The following SLCO1A2 variants were observed in gnomAD, a reference collection of about 807,000 sequenced individuals.
SLCO1A2 encodes the protein OATP-1.
Under a neutral mutation model 69.0 loss-of-function variants are expected in SLCO1A2, and 67 were observed. That is an observed-to-expected ratio of 0.97 (90% CI 0.80 to 1.19). SLCO1A2 has a LOEUF of 1.19. Ranked by LOEUF, SLCO1A2 falls within the 50% of genes most tolerant of loss-of-function variation. The pLI, the probability that SLCO1A2 is intolerant of heterozygous loss-of-function variation, is 0.00. For synonymous variants in SLCO1A2, 260 were observed against 265.9 expected (o/e 0.98, Z 0.22); for missense variants, 787 against 793.7 (o/e 0.99, Z 0.10).
chr12:21,315,465 A>G (rs1167365397), intron 3 of SLCO1A2, among the ~76,000 whole-genome samples: 5 of 152,214 alleles, frequency 3.3e-5, no homozygotes, highest in African/African-American at 1.2e-4. Context: ...CAAACCATAC[A>G]TTTTTAATTC....
chr12:21,395,016 G>C (rs529519864), exon 1 of SLCO1A2: 3 of 153,862 alleles, frequency 1.9e-5, no homozygotes, highest in East Asian at 3.8e-4. Context: ...CAAGGGGAGA[G>C]GAGCCAAGAT....
At chr12:21,374,865 G>C (rs1940079336) in intron 1 of SLCO1A2, among the ~76,000 whole-genome samples, 1 of 151,824 alleles carries the variant, frequency 6.6e-6, no homozygotes, top group Non-Finnish European at 1.5e-5. Context: ...GGCTGCTGGA[G>C]CACAGTGGTA....
intron 2 of SLCO1A2, chr12:21,319,525 C>T (rs1292357111): frequency 3.1e-6 from 4 of 1,273,510 alleles, no homozygotes; most frequent in South Asian, 1.2e-5. Context: ...CTCAGCAATC[C>T]CAGTTGTGTC....
chr12:21,412,892 A>G (rs953764815), intron 1 of SLCO1A2, among the ~76,000 whole-genome samples: 5 of 152,152 alleles, frequency 3.3e-5, no homozygotes, highest in Non-Finnish European at 5.9e-5. Flanking sequence ...TCACTTCAAT[A>G]AATCAGGAAA....
At chr12:21,288,414 C>G (rs747474675) in intron 12 of SLCO1A2, among the ~76,000 whole-genome samples, 3 of 151,748 alleles carry the variant, frequency 2.0e-5, no homozygotes, top group Non-Finnish European at 2.9e-5. Flanking sequence ...GCACTCCAGC[C>G]TGGACAACAG....
intron 12 of SLCO1A2, among the ~76,000 whole-genome samples, chr12:21,279,494 ACAACTGG>A (rs770979900): frequency 5.8e-4 from 88 of 152,356 alleles, no homozygotes; most frequent in Non-Finnish European, 1.2e-3. Flanking sequence ...GAGCGCCAAT[ACAACTGG>A]CAGCAGACTT....
intron 1 of SLCO1A2, among the ~76,000 whole-genome samples, chr12:21,405,248 T>G (rs74626705): frequency 1.3e-5 from 2 of 152,152 alleles, no homozygotes; most frequent in Non-Finnish European, 2.9e-5. Context: ...CATTTGTCAA[T>G]TTTTGCTTTT....
chr12:21,283,891 T>A (rs1945249838), intron 12 of SLCO1A2, among the ~76,000 whole-genome samples: 1 of 152,144 alleles, frequency 6.6e-6, no homozygotes, highest in South Asian at 2.1e-4. Context: ...AAATGACTTT[T>A]ATACAAAAAC....
chr12:21,338,769 A>C (rs1952972443), upstream of SLCO1A2, among the ~76,000 whole-genome samples: 1 of 151,992 alleles, frequency 6.6e-6, no homozygotes, highest in African/African-American at 2.4e-5. Flanking sequence ...ATGGCATGTA[A>C]ACACTGAGCT....
chr12:21,338,651 A>T (rs74715680), upstream of SLCO1A2, among the ~76,000 whole-genome samples: 762 of 152,074 alleles, frequency 5.0e-3, 3 homozygotes, highest in African/African-American at 0.017. Context: ...GTTTGGCAGC[A>T]ATATCAACTA....
intron 12 of SLCO1A2, among the ~76,000 whole-genome samples, chr12:21,285,818 C>A (rs1945671008): frequency 6.6e-6 from 1 of 152,070 alleles, no homozygotes; most frequent in Non-Finnish European, 1.5e-5. Context: ...ATCCTTCATG[C>A]TAAAAACTCT....
At chr12:21,361,941 G>A (rs1938931170) in intron 2 of SLCO1A2, among the ~76,000 whole-genome samples, 2 of 152,142 alleles carry the variant, frequency 1.3e-5, no homozygotes, top group South Asian at 2.1e-4. Flanking sequence ...AAAATGACGG[G>A]GAGAATGGAA....
exon 1 of SLCO1A2, chr12:21,395,135 CCAGACAATGGGCG>C (rs903758160): frequency 1.3e-5 from 2 of 155,862 alleles, no homozygotes; most frequent in Non-Finnish European, 2.8e-5. Context: ...CTAGGGAGTG[CCAGACAATGGGCG>C]CAGGTCAGTG....
chr12:21,299,890 G>GTGTATA (rs375712549), intron 8 of SLCO1A2, among the ~76,000 whole-genome samples: 1 of 141,248 alleles, frequency 7.1e-6, no homozygotes, highest in African/African-American at 2.6e-5. Context: ...ATATATACGT[G>GTGTATA]TATATATATA....
chr12:21,373,383 T>C (rs925033934), intron 2 of SLCO1A2: 7 of 1,613,644 alleles, frequency 4.3e-6, no homozygotes, highest in Non-Finnish European at 5.9e-6. Context: ...GTATTTCTCA[T>C]TGTGCTCTCT....
chr12:21,382,650 C>A (rs1940658119), intron 1 of SLCO1A2, among the ~76,000 whole-genome samples: 1 of 151,712 alleles, frequency 6.6e-6, no homozygotes, highest in Non-Finnish European at 1.5e-5. Flanking sequence ...CAAAAATTAG[C>A]CGGGAATGAT....
At chr12:21,336,040 C>T (rs1476787772), upstream of SLCO1A2, among the ~76,000 whole-genome samples, 1 of 152,006 alleles carries the variant, frequency 6.6e-6, no homozygotes, top group Non-Finnish European at 1.5e-5. Context: ...GAAGGAAATG[C>T]AATTTGCTTG....
intron 2 of SLCO1A2, among the ~76,000 whole-genome samples, chr12:21,358,907 T>C (rs1185206631): frequency 6.6e-6 from 1 of 151,864 alleles, no homozygotes; most frequent in Admixed American, 6.6e-5. Context: ...AACAAATAAA[T>C]AAAAAGAACA....
chr12:21,397,278 G>A (rs1420213887), upstream of SLCO1A2, among the ~76,000 whole-genome samples: 5 of 151,342 alleles, frequency 3.3e-5, no homozygotes, highest in Admixed American at 1.3e-4. Flanking sequence ...GACAAAGAAG[G>A]CCATTACATA....
Sources: gnomAD v4.1 joint callset for allele counts (sites outside exome capture counted in the v4.1 genomes callset) on GRCh38, gnomAD v4.1.1 for gene constraint, MANE v1.5 for transcripts, NCBI Gene and HGNC (gene_info 2026-07-23, HGNC 2026-07-21) for gene names.